Variants in CAMK2A observed in about 807,000 individuals in gnomAD.
CAMK2A encodes calcium/calmodulin-dependent protein kinase type II subunit alpha.
In CAMK2A, 7 loss-of-function variants were observed where a neutral mutation model predicts 79.2. That is an observed-to-expected ratio of 0.09 (90% CI 0.05 to 0.17). The LOEUF (loss-of-function observed/expected upper bound fraction) is 0.17, where lower values mean the gene tolerates loss of function less well. Among genes scored for constraint, CAMK2A ranks in the 10% least tolerant of loss-of-function variants. The probability of loss-of-function intolerance (pLI) is 1.00; values close to 1 mark genes in which losing one functional copy is unlikely to be tolerated. For missense variants in CAMK2A, 214 were observed against 646.4 expected (o/e 0.33, Z 7.25); for synonymous variants, 242 against 251.7 (o/e 0.96, Z 0.36).
chr5:150,279,875 G>T (rs1456872063), intron 1 of CAMK2A, among the ~76,000 whole-genome samples: 1 of 152,226 alleles, frequency 6.6e-6, no homozygotes, highest in African/African-American at 2.4e-5. Context: ...CTTTCTAGCT[G>T]CCTGGCAGAC....
chr5:150,269,159 C>G (rs1756633361), intron 2 of CAMK2A, among the ~76,000 whole-genome samples: 1 of 152,256 alleles, frequency 6.6e-6, no homozygotes, highest in South Asian at 2.1e-4. Flanking sequence ...AAGTCTTCAG[C>G]CTCCTGCCTG....
chr5:150,244,064 C>A (rs964119172), intron 13 of CAMK2A, among the ~76,000 whole-genome samples: 1 of 152,192 alleles, frequency 6.6e-6, no homozygotes, highest in Non-Finnish European at 1.5e-5. Flanking sequence ...TCCTCTAGCA[C>A]CCAAGATGAG....
intron 13 of CAMK2A, among the ~76,000 whole-genome samples, chr5:150,243,118 C>T (rs1755421766): frequency 6.6e-6 from 1 of 152,208 alleles, no homozygotes; most frequent in South Asian, 2.1e-4. Context: ...CTGGCCTTGC[C>T]CTAAAAGAGC....
At chr5:150,273,020 G>A (rs746789202) in intron 2 of CAMK2A, 45 bp downstream of exon 2, 6 of 1,451,506 alleles carry the variant, frequency 4.1e-6, no homozygotes, top group South Asian at 1.1e-5. Flanking sequence ...TAAGGGGAGA[G>A]AGGAGAGCCC....
intron 16 of CAMK2A, among the ~76,000 whole-genome samples, chr5:150,230,381 A>G (rs1240453314): frequency 6.7e-6 from 1 of 149,918 alleles, no homozygotes; most frequent in Admixed American, 6.6e-5. Context: ...CAAGCCTTTG[A>G]GAGGCAAACT....
intron 4 of CAMK2A, among the ~76,000 whole-genome samples, 195 bp from the exon 5 acceptor site, chr5:150,257,026 C>T (rs1231277016): frequency 6.6e-6 from 1 of 152,144 alleles, no homozygotes; most frequent in Admixed American, 6.5e-5. Context: ...CCATTGACTC[C>T]AGTCCCCTCT....
At chr5:150,285,665 T>C (rs1309934817) in intron 1 of CAMK2A, among the ~76,000 whole-genome samples, 1 of 152,176 alleles carries the variant, frequency 6.6e-6, no homozygotes, top group Non-Finnish European at 1.5e-5. Flanking sequence ...AACTGCAGCC[T>C]TGGCAACCCC....
At chr5:150,275,028 A>G (rs1441031990) in intron 1 of CAMK2A, among the ~76,000 whole-genome samples, 1 of 152,258 alleles carries the variant, frequency 6.6e-6, no homozygotes, top group Admixed American at 6.5e-5. Flanking sequence ...TGAACATGGT[A>G]TCACTGGCTT....
chr5:150,256,478 AAGC>A lies in CAMK2A; in HGVS notation c.411+92_411+94del. ...CTTCCAGCCTAACACAGAGAAATTA[AAGC>A]GATTCTGATAATGTCCAGCTCTGCA... On this transcript the variant is annotated intron_variant, in intron 6 of 18. Transcript: ENST00000671881. This position sits in a 1 kb window ranked among gnomAD's most constrained non-coding sequence, Gnocchi z 4.6. 1 of 825,294 alleles carries A rather than the reference AAGC, an allele frequency of 1.2e-6. No individual in the cohort carries two copies. The highest frequency in any genetic ancestry group is 2.0e-6 in the Non-Finnish European group (1 of 497,912). The allele number at this position is 825,294 out of a possible 1,614,324, so 51.1% of individuals were successfully genotyped here. A position where few individuals can be genotyped will look rare whatever the true frequency, so the allele number is the denominator to read the frequency against.
chr5:150,275,563 C>T (rs1756912075), intron 1 of CAMK2A, among the ~76,000 whole-genome samples: 1 of 152,338 alleles, frequency 6.6e-6, no homozygotes, highest in South Asian at 2.1e-4. Flanking sequence ...CAATTCTGTC[C>T]ACCCAGCTAG....
chr5:150,228,110 T>A, intron 17 of CAMK2A, 82 bp downstream of exon 17: 1 of 1,241,854 alleles, frequency 8.1e-7, no homozygotes, highest in African/African-American at 1.5e-5. Flanking sequence ...CCTGGGGCCC[T>A]GCCCGTCACC....
intron 15 of CAMK2A, among the ~76,000 whole-genome samples, chr5:150,237,098 G>A (rs941584863): frequency 1.3e-5 from 2 of 152,114 alleles, no homozygotes; most frequent in Non-Finnish European, 2.9e-5. Flanking sequence ...AGGTTGTGGT[G>A]ATAGAGTACC....
chr5:150,288,096 C>T (rs1580965206), intron 1 of CAMK2A, among the ~76,000 whole-genome samples: 1 of 152,174 alleles, frequency 6.6e-6, no homozygotes, highest in African/African-American at 2.4e-5. Flanking sequence ...GCCCAGGCCT[C>T]ACACATGCAC....
chr5:150,222,569 GAT>G lies in CAMK2A; in HGVS notation c.*139_*140del, dbSNP rs1448919991. 1 of 924,094 alleles carries G rather than the reference GAT, an allele frequency of 1.1e-6. No homozygotes were observed. Among genetic ancestry groups the G allele is most frequent in the African/African-American group, 1.6e-5 (1 of 61,508 alleles). The allele number at this position is 924,094 out of a possible 1,614,324, so 57.2% of individuals were successfully genotyped here. A position where few individuals can be genotyped will look rare whatever the true frequency, so the allele number is the denominator to read the frequency against. ...CTTTTGTGAACAAGCAGGTTTTCTTGATGCAGGTACAGAAGTGACGGTGGTGG... is the reference window on the plus strand; with the variant it reads ...CTTTTGTGAACAAGCAGGTTTTCTTGGCAGGTACAGAAGTGACGGTGGTGG... On this transcript the variant is annotated 3_prime_UTR_variant, in exon 19 of 19. Coordinates refer to ENST00000671881, the MANE Select transcript of CAMK2A (RefSeq NM_015981.4).
At chr5:150,230,064 A>G (rs1162795082) in intron 16 of CAMK2A, among the ~76,000 whole-genome samples, 2 of 152,040 alleles carry the variant, frequency 1.3e-5, no homozygotes, top group East Asian at 3.9e-4. Context: ...TGACGCCTGT[A>G]ATCCCAGCAC....
At chr5:150,260,897 C>T (rs1580933461) in intron 3 of CAMK2A, among the ~76,000 whole-genome samples, 1 of 152,346 alleles carries the variant, frequency 6.6e-6, no homozygotes, top group East Asian at 1.9e-4. Flanking sequence ...CTCTCCTATT[C>T]TTTCTGGTGG....
At chr5:150,275,331 T>A (rs980282380) in intron 1 of CAMK2A, among the ~76,000 whole-genome samples, 1 of 152,110 alleles carries the variant, frequency 6.6e-6, no homozygotes, top group African/African-American at 2.4e-5. Context: ...TTAGAAAAAA[T>A]TCACTTTTCT....
At chr5:150,270,586 AC>A (rs1364682675) in intron 2 of CAMK2A, among the ~76,000 whole-genome samples, 1 of 145,990 alleles carries the variant, frequency 6.8e-6, no homozygotes, top group Non-Finnish European at 1.5e-5. Context: ...TTCAGCATTA[AC>A]CCCCCCTCCC....
intron 1 of CAMK2A, among the ~76,000 whole-genome samples, chr5:150,277,126 A>T (rs910818245): frequency 2.6e-5 from 4 of 152,186 alleles, no homozygotes; most frequent in African/African-American, 9.7e-5. Flanking sequence ...ATGTATGAGG[A>T]TCACTTAAGT....
Sources: gnomAD v4.1 joint callset for allele counts (sites outside exome capture counted in the v4.1 genomes callset) on GRCh38, gnomAD v4.1.1 for gene constraint, Gnocchi (gnomAD v3.1) non-coding constraint, MANE v1.5 for transcripts, NCBI Gene and HGNC (gene_info 2026-07-23, HGNC 2026-07-21) for gene names.